The following GRIK2 variants were observed in gnomAD, a reference collection of about 807,000 sequenced individuals.
GRIK2 encodes glutamate ionotropic receptor kainate type subunit 2.
In GRIK2, 32 loss-of-function variants were observed where a neutral mutation model predicts 100.3. That is an observed-to-expected ratio of 0.32 (90% CI 0.24 to 0.43). The LOEUF (loss-of-function observed/expected upper bound fraction) is 0.43. Among genes scored for constraint, GRIK2 ranks in the 20% least tolerant of loss-of-function variants. The pLI is 1.00. For synonymous variants in GRIK2, 417 were observed against 389.4 expected, an observed-to-expected ratio of 1.07 and a Z score of -0.83; for missense variants, 843 against 1,114.9, an observed-to-expected ratio of 0.76 and a Z score of 3.47.
intron 9 of GRIK2, among the ~76,000 whole-genome samples, chr6:101,811,958 A>T (rs1269463222): frequency 6.6e-6 from 1 of 151,656 alleles, no homozygotes; most frequent in Non-Finnish European, 1.5e-5. Flanking sequence ...ATATACTTAT[A>T]AAACAAAATT....
intron 14 of GRIK2, among the ~76,000 whole-genome samples, chr6:101,965,954 T>C (rs1792645430): frequency 6.6e-6 from 1 of 152,182 alleles, no homozygotes; most frequent in African/African-American, 2.4e-5. Flanking sequence ...ATTATGATGT[T>C]ATGTGGTTTG....
intron 15 of GRIK2, among the ~76,000 whole-genome samples, chr6:102,045,306 C>A (rs1037381221): frequency 4.6e-5 from 7 of 152,058 alleles, no homozygotes; most frequent in African/African-American, 1.7e-4. Context: ...AAAAAGATTA[C>A]TTCTATTTGA....
chr6:101,490,559 T>C (rs1773051744), intron 2 of GRIK2, among the ~76,000 whole-genome samples: 1 of 146,910 alleles, frequency 6.8e-6, no homozygotes. Flanking sequence ...GTACAATAGA[T>C]AAGTGAAGAA....
intron 2 of GRIK2, among the ~76,000 whole-genome samples, chr6:101,526,018 G>A (rs190328512): frequency 1.2e-4 from 18 of 152,276 alleles, no homozygotes; most frequent in East Asian, 5.8e-4. Context: ...AGAGATCAGC[G>A]TGGATAAACC....
At chr6:101,409,492 A>G (rs926931707) in intron 2 of GRIK2, among the ~76,000 whole-genome samples, 2 of 152,178 alleles carry the variant, frequency 1.3e-5, no homozygotes, top group African/African-American at 4.8e-5. Context: ...TAAAATAAAT[A>G]GAATTAAAAG....
intron 16 of GRIK2, among the ~76,000 whole-genome samples, chr6:102,061,192 CTT>C (rs926439885): frequency 6.6e-6 from 1 of 150,534 alleles, no homozygotes; most frequent in African/African-American, 2.4e-5. Context: ...AACCCATACT[CTT>C]TGTATCCCCA....
At chr6:101,595,714 GTGTGTATATATA>G (rs1392032109) in intron 2 of GRIK2, among the ~76,000 whole-genome samples, 2 of 129,650 alleles carry the variant, frequency 1.5e-5, no homozygotes, top group Admixed American at 7.4e-5. Context: ...GTGTGTGTGT[GTGTGTATATATA>G]TATATATATA....
chr6:101,698,402 C>T (rs147605112), intron 7 of GRIK2, among the ~76,000 whole-genome samples: 90 of 152,114 alleles, frequency 5.9e-4, no homozygotes, highest in Admixed American at 1.6e-3. Flanking sequence ...ATTTGCCTAA[C>T]GGATATTAGG....
At chr6:101,653,709 A>T (rs1442637630) in intron 4 of GRIK2, among the ~76,000 whole-genome samples, 2 of 150,680 alleles carry the variant, frequency 1.3e-5, no homozygotes, top group African/African-American at 4.9e-5. Context: ...TGAAATCTCC[A>T]CTTCCTAGGT....
In GRIK2 at chr6:101,686,210, C is replaced by G; in HGVS notation, c.808C>G (p.Arg270Gly). The G allele has an allele frequency of 6.2e-7, 1 of 1,611,758 alleles. No individual in the cohort carries two copies. The highest frequency in any genetic ancestry group is 8.5e-7 in the Non-Finnish European group (1 of 1,178,324). The change falls in exon 7 of 17, where the codon CGA (arginine) becomes GGA (glycine). Residue 270 changes from arginine (R) to glycine (G), a missense_variant. This residue lies in a region of GRIK2 where 519 missense variants were observed against 643.8 expected (regional missense o/e 0.81). Transcript: ENST00000369134. ...CTTTGCTCTTGATGTTGAGCCCTAC[C>G]GATACAGTGGTGTTAACATGACAGG... ...DLFALDVEPY[R>G]YSGVNMTGFR...
At position 102,055,587 on chromosome 6, in the gene GRIK2, GTTAC is replaced by G. The variant is rs1562143651; in HGVS notation, c.2562+10_2562+13del. 1.3e-6 allele frequency: 2 copies of G among 1,589,114 alleles called. No individual in the cohort carries two copies. Among genetic ancestry groups the G allele is most frequent in the East Asian group, 2.2e-5 (1 of 44,664 alleles). On this transcript the variant is annotated splice_region_variant and intron_variant, in intron 16 of 16. Transcript: ENST00000369134. ...AAACGCTCAATTGGAAAAGGTAAATGTTACTTGTTTCAGTTTAAATTTAAAACAA... is the reference window on the plus strand; with the variant it reads ...AAACGCTCAATTGGAAAAGGTAAATGTTGTTTCAGTTTAAATTTAAAACAA...
intron 14 of GRIK2, among the ~76,000 whole-genome samples, chr6:101,989,802 T>C (rs900537007): frequency 2.6e-5 from 4 of 151,706 alleles, no homozygotes; most frequent in African/African-American, 4.8e-5. Context: ...AAACTCCTCA[T>C]TGATATGCAA....
chr6:101,736,947 C>T (rs1445260648), intron 7 of GRIK2, among the ~76,000 whole-genome samples: 17 of 152,112 alleles, frequency 1.1e-4, no homozygotes. Flanking sequence ...GAAATGTCTT[C>T]CACCAGATAC....
At chr6:101,503,341 A>G (rs1271338681) in intron 2 of GRIK2, among the ~76,000 whole-genome samples, 1 of 152,098 alleles carries the variant, frequency 6.6e-6, no homozygotes, top group Non-Finnish European at 1.5e-5. Flanking sequence ...TTTTCAAGAC[A>G]TTTGGCTATG....
At chr6:102,036,029 A>G (rs2518146) in intron 15 of GRIK2, among the ~76,000 whole-genome samples, 1 of 151,028 alleles carries the variant, frequency 6.6e-6, no homozygotes, top group Non-Finnish European at 1.5e-5. Context: ...GTAGAAATAG[A>G]AGACTATTTA....
chr6:101,797,822 A>G (rs940077018), intron 7 of GRIK2, among the ~76,000 whole-genome samples: 2 of 147,740 alleles, frequency 1.4e-5, no homozygotes, highest in Non-Finnish European at 3.0e-5. Flanking sequence ...TATATTATAT[A>G]TAAAACCATT....
chr6:101,495,007 AAATTAT>A (rs1416875215), intron 2 of GRIK2, among the ~76,000 whole-genome samples: 5 of 145,556 alleles, frequency 3.4e-5, no homozygotes, highest in Non-Finnish European at 7.5e-5. Flanking sequence ...ATATGAAGGA[AAATTAT>A]AATCTCTTGA....
intron 12 of GRIK2, among the ~76,000 whole-genome samples, chr6:101,897,031 C>G (rs1038863164): frequency 6.8e-5 from 10 of 147,360 alleles, no homozygotes; most frequent in Admixed American, 6.8e-5. Context: ...CACACACACA[C>G]AGACACATAC....
At chr6:101,764,261 G>A (rs1719215834) in intron 7 of GRIK2, among the ~76,000 whole-genome samples, 1 of 151,954 alleles carries the variant, frequency 6.6e-6, no homozygotes, top group South Asian at 2.1e-4. Context: ...CCTCTCCTTT[G>A]AGCCATGAAC....
Sources: allele counts gnomAD v4.1 joint callset (sites outside exome capture counted in the v4.1 genomes callset), GRCh38; gene constraint gnomAD v4.1.1; regional missense constraint gnomAD v4.1.1; transcripts MANE v1.5; gene names NCBI Gene and HGNC (gene_info 2026-07-23, HGNC 2026-07-21).